The following TSHZ3 variants were observed in gnomAD, a reference collection of about 807,000 sequenced individuals.
TSHZ3 encodes the protein teashirt zinc finger homeobox 3, also known as teashirt homolog 3.
In TSHZ3, 10 loss-of-function variants were observed where a neutral mutation model predicts 64.5. The ratio of observed to expected loss-of-function variants is 0.16; its 90% CI spans 0.10 to 0.26. The LOEUF (loss-of-function observed/expected upper bound fraction) is 0.26. Among genes scored for constraint, TSHZ3 ranks in the 10% least tolerant of loss-of-function variants. The pLI, the probability that TSHZ3 is intolerant of heterozygous loss-of-function variation, is 1.00. For missense variants in TSHZ3, 1,242 were observed against 1,421.7 expected, an observed-to-expected ratio of 0.87 and a Z score of 2.03; for synonymous variants, 608 against 593.1, an observed-to-expected ratio of 1.03 and a Z score of -0.36.
intron 1 of TSHZ3, among the ~76,000 whole-genome samples, chr19:31,322,350 T>C (rs892246418): frequency 3.9e-5 from 6 of 152,292 alleles, no homozygotes; most frequent in African/African-American, 1.4e-4. Context: ...TTGGCTGGGT[T>C]GGTCTCAAAC....
chr19:31,267,719 G>A (rs896822826), intron 1 of TSHZ3, among the ~76,000 whole-genome samples: 1 of 152,120 alleles, frequency 6.6e-6, no homozygotes, highest in South Asian at 2.1e-4. Context: ...ACAGGGGTGA[G>A]GGTAGAGGGC....
intron 5 of TSHZ3, among the ~76,000 whole-genome samples, chr19:31,203,823 T>C (rs1333336045): frequency 6.6e-6 from 1 of 151,830 alleles, no homozygotes; most frequent in East Asian, 1.9e-4. Context: ...TTCTTTCTTC[T>C]CCCCTCTCTT....
chr19:31,274,590 G>C (rs1238160755), downstream of TSHZ3, among the ~76,000 whole-genome samples: 1 of 152,130 alleles, frequency 6.6e-6, no homozygotes, highest in Admixed American at 6.5e-5. Flanking sequence ...ATCCAGAAGA[G>C]AGATCAAACC....
At chr19:31,178,858 C>A (rs1444032096) in intron 5 of TSHZ3, among the ~76,000 whole-genome samples, 1 of 152,044 alleles carries the variant, frequency 6.6e-6, no homozygotes, top group East Asian at 1.9e-4. Flanking sequence ...TGAGCTGAGT[C>A]CTGGAGGATG....
chr19:31,196,239 T>G (rs1974992217), intron 5 of TSHZ3, among the ~76,000 whole-genome samples: 1 of 152,014 alleles, frequency 6.6e-6, no homozygotes, highest in African/African-American at 2.4e-5. Context: ...TTATTATAGT[T>G]ATTTAAAAGT....
At chr19:31,192,803 G>T (rs1174921008) in intron 5 of TSHZ3, among the ~76,000 whole-genome samples, 2 of 152,162 alleles carry the variant, frequency 1.3e-5, no homozygotes, top group Non-Finnish European at 2.9e-5. Flanking sequence ...TATCCCTGGG[G>T]TATATAAAGT....
intron 1 of TSHZ3, among the ~76,000 whole-genome samples, chr19:31,264,094 A>G (rs1347157527): frequency 1.3e-5 from 2 of 152,140 alleles, no homozygotes; most frequent in Non-Finnish European, 2.9e-5. Flanking sequence ...GAATGGTTTA[A>G]ATGTAGCAGG....
In TSHZ3 at chr19:31,286,978, A is replaced by G. The variant is rs1051192076; in HGVS notation, c.41-7226T>C. Among the ~76,000 whole-genome samples, 11 of 152,246 alleles carry G rather than the reference A, an allele frequency of 7.2e-5. 1 individual carries two copies. Among genetic ancestry groups the G allele is most frequent in the African/African-American group, 2.4e-5 (1 of 41,462 alleles). ...TCAACCTCTAGGTAAAAAGAAATTAATATGTGTCATATAAATATAAAACAG... is the reference window on the plus strand; with the variant it reads ...TCAACCTCTAGGTAAAAAGAAATTAGTATGTGTCATATAAATATAAAACAG... On this transcript the variant is annotated intron_variant, in intron 1 of 1. Transcript: ENST00000240587.
chr19:31,222,788 G>A (rs765915250), intron 4 of TSHZ3, among the ~76,000 whole-genome samples: 11 of 152,180 alleles, frequency 7.2e-5, no homozygotes, highest in Non-Finnish European at 1.0e-4. Context: ...TGGGAATCTC[G>A]TCTCTTGTCC....
At chr19:31,250,744 C>G (rs1306514746) in intron 1 of TSHZ3, among the ~76,000 whole-genome samples, 1 of 152,138 alleles carries the variant, frequency 6.6e-6, no homozygotes, top group Non-Finnish European at 1.5e-5. Context: ...GAAGTGGGGA[C>G]AAGAATCATA....
At chr19:31,258,328 G>C (rs1016388137) in intron 1 of TSHZ3, among the ~76,000 whole-genome samples, 2 of 152,144 alleles carry the variant, frequency 1.3e-5, no homozygotes, top group African/African-American at 2.4e-5. Flanking sequence ...CAGCTGTTCT[G>C]TCCAGTAAAG....
chr19:31,347,281 C>T (rs1023317102), intron 1 of TSHZ3, among the ~76,000 whole-genome samples: 2 of 151,938 alleles, frequency 1.3e-5, no homozygotes, highest in Non-Finnish European at 2.9e-5. Context: ...CAGCAGGTTC[C>T]CTCCTCCTCT....
chr19:31,306,839 A>G (rs1304793681), intron 1 of TSHZ3, among the ~76,000 whole-genome samples: 1 of 152,222 alleles, frequency 6.6e-6, no homozygotes, highest in Non-Finnish European at 1.5e-5. Context: ...TTAGTTAGCT[A>G]GTATACTCAT....
At chr19:31,190,901 AAT>A (rs1974894730) in intron 5 of TSHZ3, among the ~76,000 whole-genome samples, 1 of 152,294 alleles carries the variant, frequency 6.6e-6, no homozygotes, top group South Asian at 2.1e-4. Flanking sequence ...GAATAAAAAA[AAT>A]GTAATCTGAA....
exon 7 of TSHZ3, among the ~76,000 whole-genome samples, chr19:31,150,566 A>G (rs1489572312): frequency 2.0e-5 from 3 of 152,110 alleles, no homozygotes; most frequent in Non-Finnish European, 4.4e-5. Context: ...AGCTCAGTGG[A>G]GTCCCTTGCA....
At chr19:31,330,234 C>T (rs1381151852) in intron 1 of TSHZ3, among the ~76,000 whole-genome samples, 1 of 152,080 alleles carries the variant, frequency 6.6e-6, no homozygotes, top group Non-Finnish European at 1.5e-5. Context: ...AAATAAAACT[C>T]GCTAAACTCT....
chr19:31,206,483 A>T (rs1975179444), intron 4 of TSHZ3, among the ~76,000 whole-genome samples: 1 of 152,190 alleles, frequency 6.6e-6, no homozygotes, highest in African/African-American at 2.4e-5. Context: ...GGAGAAAGGA[A>T]AGTCCTTGGA....
chr19:31,262,505 A>G (rs1975992652), intron 1 of TSHZ3, among the ~76,000 whole-genome samples: 1 of 152,204 alleles, frequency 6.6e-6, no homozygotes, highest in Non-Finnish European at 1.5e-5. Context: ...CTTTACTAGT[A>G]AGATAGGTTT....
downstream of TSHZ3, among the ~76,000 whole-genome samples, chr19:31,272,699 C>T (rs1976159148): frequency 1.3e-5 from 2 of 152,326 alleles, no homozygotes; most frequent in South Asian, 4.1e-4. Flanking sequence ...AGATTTTCAT[C>T]TTGCATGTAG....
Sources: gnomAD v4.1 joint callset for allele counts (sites outside exome capture counted in the v4.1 genomes callset) on GRCh38, gnomAD v4.1.1 for gene constraint, MANE v1.5 for transcripts, NCBI Gene and HGNC (gene_info 2026-07-23, HGNC 2026-07-21) for gene names.